The following CTBP1 variants were observed in gnomAD, a reference collection of about 807,000 sequenced individuals.
The protein encoded by CTBP1 is C-terminal-binding protein 1.
A neutral mutation model predicts 42.1 loss-of-function variants in CTBP1; 11 were observed. The ratio of observed to expected loss-of-function variants is 0.26; its 90% CI spans 0.16 to 0.43. CTBP1 has a LOEUF of 0.43. Among genes scored for constraint, CTBP1 ranks in the 20% least tolerant of loss-of-function variants. The pLI is 1.00. For missense variants in CTBP1, 399 were observed against 624.3 expected (o/e 0.64, Z 3.85); for synonymous variants, 324 against 277.1 (o/e 1.17, Z -1.68).
At chr4:1,234,019 G>A (rs552347645) in intron 3 of CTBP1, among the ~76,000 whole-genome samples, 1 of 152,286 alleles carries the variant, frequency 6.6e-6, no homozygotes, top group Non-Finnish European at 1.5e-5. Flanking sequence ...TGGCTACCCC[G>A]GGTTCCAGCC....
At chr4:1,220,220 G>C (rs1729582568) in intron 5 of CTBP1, among the ~76,000 whole-genome samples, 1 of 148,640 alleles carries the variant, frequency 6.7e-6, no homozygotes, top group Non-Finnish European at 1.5e-5. Context: ...AAAAAAAAGG[G>C]GCAGAGATTG....
rs562065623 is a variant in CTBP1 at position 1,243,231 on chromosome 4, G to C, written c.-188-1712C>G. On this transcript the variant is annotated intron_variant, in intron 1 of 9. Coordinates refer to ENST00000382952, the MANE Select transcript of CTBP1 (RefSeq NM_001012614.2). ...TGCTGCTCAATGCTTATCTATACTG[G>C]CCAGTACGTGCCCACACCTGTGTCT... 1.4e-5 allele frequency: 14 copies of C among 985,372 alleles called. No individual in the cohort carries two copies. In the African/African-American group the frequency reaches 2.4e-4, roughly 17 times the overall value. The allele number at this position is 985,372 out of a possible 1,614,324, so 61.0% of individuals were successfully genotyped here. A position where few individuals can be genotyped will look rare whatever the true frequency, so the allele number is the denominator to read the frequency against.
upstream of CTBP1, chr4:1,249,301 G>A (rs1352677644): frequency 6.7e-6 from 1 of 149,770 alleles, no homozygotes; most frequent in Non-Finnish European, 1.5e-5. Flanking sequence ...CAGCCCGGCG[G>A]AGGCCCCGGG....
chr4:1,246,331 G>A (rs973922268), intron 1 of CTBP1, among the ~76,000 whole-genome samples: 2 of 152,166 alleles, frequency 1.3e-5, no homozygotes, highest in East Asian at 1.9e-4. Context: ...CACAGAACCC[G>A]TATGACACTG....
rs1022090919 is a variant in CTBP1, at chr4:1,240,681, G to C, written c.7+644C>G. Among the ~76,000 whole-genome samples the C allele has an allele frequency of 3.3e-5, 5 of 152,092 alleles. No individual in the cohort carries two copies. In the East Asian group the frequency reaches 5.8e-4, roughly 18 times the overall value. ...GTCCCTCAGCTGAACGGTGGGGAGG[G>C]GGGAGCAGGTGGAGACACCAAGCCC... On this transcript the variant is annotated intron_variant, in intron 2 of 9. Coordinates refer to ENST00000382952, the MANE Select transcript of CTBP1 (RefSeq NM_001012614.2).
intron 3 of CTBP1, among the ~76,000 whole-genome samples, chr4:1,234,360 G>T (rs1475729505): frequency 6.6e-6 from 1 of 152,154 alleles, no homozygotes; most frequent in Non-Finnish European, 1.5e-5. Context: ...TCTGCTTCTG[G>T]TTAGGGGCTG....
chr4:1,219,927 C>T (rs1246425196), intron 5 of CTBP1, among the ~76,000 whole-genome samples: 1 of 152,260 alleles, frequency 6.6e-6, no homozygotes, highest in Non-Finnish European at 1.5e-5. Flanking sequence ...AACAATTAGG[C>T]CGGGCACAGT....
intron 3 of CTBP1, 105 bp from the exon 4 acceptor site, chr4:1,228,448 G>A (rs1730615931): frequency 2.1e-6 from 3 of 1,407,788 alleles, no homozygotes; most frequent in Non-Finnish European, 2.9e-6. Flanking sequence ...GTGGCCCTCA[G>A]GCTTGTTCCC....
chr4:1,245,501 C>T (rs1041660963), intron 1 of CTBP1: 70 of 985,304 alleles, frequency 7.1e-5, no homozygotes, highest in Middle Eastern at 5.2e-4. Flanking sequence ...CTGCCAGCCA[C>T]GCAGACAGGG....
intron 4 of CTBP1, among the ~76,000 whole-genome samples, chr4:1,225,920 G>T (rs534217857): frequency 6.0e-4 from 91 of 152,130 alleles, no homozygotes; most frequent in African/African-American, 2.1e-3. Context: ...TCGCCACCCC[G>T]ATTCCTCTCG....
At chr4:1,243,535 G>A (rs1732405983) in intron 1 of CTBP1, 11 of 985,220 alleles carry the variant, frequency 1.1e-5, no homozygotes, top group African/African-American at 1.7e-5. Flanking sequence ...CCTGGGGTAG[G>A]TCTGCCCACC....
At chr4:1,217,862 A>T (rs1473988804) in intron 5 of CTBP1, 1 of 152,254 alleles carries the variant, frequency 6.6e-6, no homozygotes, top group Non-Finnish European at 1.5e-5. Flanking sequence ...AAAACCTCTT[A>T]ATAACTACTA....
chr4:1,239,532 T>C (rs1731937901), intron 2 of CTBP1, among the ~76,000 whole-genome samples: 1 of 152,088 alleles, frequency 6.6e-6, no homozygotes, highest in Non-Finnish European at 1.5e-5. Context: ...CGCCTGCAGG[T>C]GAGCAGAGGC....
chr4:1,246,746 C>G (rs564507833), intron 1 of CTBP1, among the ~76,000 whole-genome samples: 1 of 152,220 alleles, frequency 6.6e-6, no homozygotes, highest in Non-Finnish European at 1.5e-5. Flanking sequence ...TGTGGCTTGA[C>G]GGCCACCTCT....
At position 1,243,025 on chromosome 4, in the gene CTBP1, T is replaced by C. The variant is rs1036577036; in HGVS notation, c.-188-1506A>G. The C allele has an allele frequency of 3.1e-5, 31 of 985,414 alleles. 1 individual carries two copies. In the East Asian group the frequency reaches 3.4e-4, roughly 11 times the overall value. The allele number at this position is 985,414 out of a possible 1,614,324, so 61.0% of individuals were successfully genotyped here. On this transcript the variant is annotated intron_variant, in intron 1 of 9. Coordinates refer to ENST00000382952, the MANE Select transcript of CTBP1 (RefSeq NM_001012614.2). ...TACTCATCAATACTGGCCAAACTCA[T>C]TGATACGGGCCAATACTCATTGATA...
At chr4:1,249,491 C>CCGCAGCCGCAGCCGCA (rs1553852823), upstream of CTBP1, 6 of 157,960 alleles carry the variant, frequency 3.8e-5, no homozygotes, top group Non-Finnish European at 8.2e-5. Flanking sequence ...CGCTCCTCCG[C>CCGCAGCCGCAGCCGCA]GCCGCAGCCG....
rs750112627 is a variant in CTBP1, at chr4:1,216,122, C to A, written c.598G>T (p.Val200Leu). Residue 200 changes from valine (V) to leucine (L), a missense_variant, in exon 6 of 10, where the codon GTG (valine) becomes TTG (leucine). Coordinates refer to ENST00000382952, the MANE Select transcript of CTBP1 (RefSeq NM_001012614.2). ...CGCTGCAGCCCCAGCGCCCGCTCCA[C>A]GCCATCCGACAAGTAAGGGTCGTAG... Reference protein sequence around the residue: ...LFYDPYLSDGVERALGLQRVS... With the variant: ...LFYDPYLSDGLERALGLQRVS... 6.2e-7 allele frequency: 1 copy of A among 1,611,386 alleles called. No homozygotes were observed. Among genetic ancestry groups the A allele is most frequent in the Non-Finnish European group, 8.5e-7 (1 of 1,179,894 alleles).
intron 1 of CTBP1, chr4:1,242,582 CACAGGGGCTGGG>C: frequency 1.0e-6 from 1 of 985,484 alleles, no homozygotes; most frequent in Non-Finnish European, 1.2e-6. Context: ...GAGACACCAT[CACAGGGGCTGGG>C]GTGCAGCCCC....
At chr4:1,241,687 G>A (rs904226458) in intron 1 of CTBP1, 168 bp from the exon 2 acceptor site, 1 of 1,262,316 alleles carries the variant, frequency 7.9e-7, no homozygotes. Context: ...AGGGGCCCCG[G>A]CTCCTGCCGC....
Sources: gnomAD v4.1 joint callset for allele counts (sites outside exome capture counted in the v4.1 genomes callset) on GRCh38, gnomAD v4.1.1 for gene constraint, MANE v1.5 for transcripts, NCBI Gene and HGNC (gene_info 2026-07-23, HGNC 2026-07-21) for gene names.